The following IFNLR1 variants were observed in gnomAD, a reference collection of about 807,000 sequenced individuals.
IFNLR1 encodes interferon lambda receptor 1.
A neutral mutation model predicts 52.5 loss-of-function variants in IFNLR1; 28 were observed. The observed-to-expected ratio is 0.53, with a 90% CI of 0.40 to 0.73. The LOEUF (loss-of-function observed/expected upper bound fraction) is 0.73. Ranked by LOEUF, IFNLR1 falls within the 30% of genes least tolerant of loss-of-function variation. The pLI is 0.00. For missense variants in IFNLR1, 623 were observed against 659.1 expected, an observed-to-expected ratio of 0.95 and a Z score of 0.60; for synonymous variants, 276 against 274.9, an observed-to-expected ratio of 1.00 and a Z score of -0.04.
intron 2 of IFNLR1, among the ~76,000 whole-genome samples, chr1:24,173,850 A>T (rs1161371206): frequency 6.6e-6 from 1 of 152,050 alleles, no homozygotes; most frequent in African/African-American, 2.4e-5. Flanking sequence ...GGGTCTCACT[A>T]TGTTGCCCAG....
chr1:24,182,793 G>T (rs1047626422), intron 1 of IFNLR1, among the ~76,000 whole-genome samples: 1 of 152,060 alleles, frequency 6.6e-6, no homozygotes, highest in African/African-American at 2.4e-5. Context: ...GGTGGTGCAC[G>T]CCTGTAATCC....
chr1:24,176,777 T>A (rs1406378349), intron 2 of IFNLR1, among the ~76,000 whole-genome samples: 1 of 152,188 alleles, frequency 6.6e-6, no homozygotes, highest in Non-Finnish European at 1.5e-5. Flanking sequence ...ACAAGTATTC[T>A]CTCCTTTTTC....
chr1:24,154,415 C>T lies in IFNLR1; in HGVS notation c.*2715G>A, dbSNP rs10903034. 0.54 allele frequency: 82,037 copies of T among 152,096 alleles called. 22,410 individuals are homozygous for T. The highest frequency in any genetic ancestry group is 0.57 in the Admixed American group (8,737 of 15,286). The allele number at this position is 152,096 out of a possible 1,614,324, so 9.4% of individuals were successfully genotyped here. A position where few individuals can be genotyped will look rare whatever the true frequency, so the allele number is the denominator to read the frequency against. On this transcript the variant is annotated 3_prime_UTR_variant, in exon 7 of 7. Coordinates refer to ENST00000327535, the MANE Select transcript of IFNLR1 (RefSeq NM_170743.4). The stretch of plus-strand genomic sequence containing the variant: ...CCGCGCAGTTCCCACCTGCTGTGCA[C>T]GTGAAAGGGCTTTGTAAACAGTTAA...
intron 1 of IFNLR1, 30 bp downstream of exon 1, chr1:24,187,161 C>T: frequency 3.7e-6 from 5 of 1,348,478 alleles, no homozygotes; most frequent in South Asian, 1.6e-5. Flanking sequence ...AGCCCTCTTC[C>T]CCCTCCCTCC....
rs2148582547 is a variant in IFNLR1 at position 24,155,818 on chromosome 1, C to A, written c.*1312G>T. 6.6e-6 allele frequency: 1 copy of A among 152,372 alleles called. No homozygotes were observed. Among genetic ancestry groups the A allele is most frequent in the South Asian group, 2.1e-4 (1 of 4,830 alleles). 9.4% of individuals were successfully genotyped at this position (152,372 alleles called of 1,614,324 possible). A position where few individuals can be genotyped will look rare whatever the true frequency, so the allele number is the denominator to read the frequency against. On this transcript the variant is annotated 3_prime_UTR_variant, in exon 7 of 7. Coordinates refer to ENST00000327535, the MANE Select transcript of IFNLR1 (RefSeq NM_170743.4). ...GTTGTTCAGATACTCCACCACAAAACACTTCGGTCCTACGGGTGAAAACTC... is the reference window on the plus strand; with the variant it reads ...GTTGTTCAGATACTCCACCACAAAAAACTTCGGTCCTACGGGTGAAAACTC...
chr1:24,174,158 G>A (rs1644609371), intron 2 of IFNLR1, among the ~76,000 whole-genome samples: 1 of 152,184 alleles, frequency 6.6e-6, no homozygotes, highest in Non-Finnish European at 1.5e-5. Context: ...AAAAAGCCAC[G>A]TGAGGACACA....
chr1:24,174,201 G>A (rs936590000), intron 2 of IFNLR1, among the ~76,000 whole-genome samples: 11 of 152,196 alleles, frequency 7.2e-5, no homozygotes, highest in African/African-American at 2.4e-4. Flanking sequence ...GCCAAGGAGA[G>A]AGGCTTCAGG....
intron 1 of IFNLR1, among the ~76,000 whole-genome samples, chr1:24,181,750 A>G (rs919445717): frequency 6.6e-6 from 1 of 152,156 alleles, no homozygotes; most frequent in East Asian, 1.9e-4. Flanking sequence ...CTGGGAACAC[A>G]GTCTGGCTCC....
At chr1:24,161,131 C>T (rs989680520) in intron 4 of IFNLR1, among the ~76,000 whole-genome samples, 2 of 152,206 alleles carry the variant, frequency 1.3e-5, no homozygotes, top group Admixed American at 6.5e-5. Context: ...AGCGAACATA[C>T]GGCCCATGAA....
intron 2 of IFNLR1, among the ~76,000 whole-genome samples, chr1:24,177,208 T>C (rs1388238330): frequency 6.6e-6 from 1 of 152,114 alleles, no homozygotes; most frequent in African/African-American, 2.4e-5. Context: ...TAATAGGTTA[T>C]ACGTATATAT....
chr1:24,186,552 C>T (rs1413058702), intron 1 of IFNLR1, among the ~76,000 whole-genome samples: 1 of 152,094 alleles, frequency 6.6e-6, no homozygotes, highest in Admixed American at 6.6e-5. Flanking sequence ...GGGGCGATTT[C>T]TGGACCTTCT....
chr1:24,177,121 C>T (rs1484303796), intron 2 of IFNLR1, among the ~76,000 whole-genome samples: 2 of 152,162 alleles, frequency 1.3e-5, no homozygotes, highest in African/African-American at 4.8e-5. Flanking sequence ...TACCAACACA[C>T]AGTCAAATAA....
At chr1:24,184,070 C>T (rs1244736110) in intron 1 of IFNLR1, among the ~76,000 whole-genome samples, 2 of 152,076 alleles carry the variant, frequency 1.3e-5, no homozygotes, top group Admixed American at 6.6e-5. Flanking sequence ...AGGCCCTACC[C>T]AATCTGACCC....
In IFNLR1 at chr1:24,187,226, C is replaced by G. The variant is rs1644748291; in HGVS notation, c.23G>C (p.Gly8Ala). MAGPERW[G>A]PLLLCLLQAA... The stretch of plus-strand genomic sequence containing the variant: ...CTGCAGCAGGCACAGGAGCAGGGGG[C>G]CCCAGCGCTCGGGCCCCGCCATGGC... The change falls in exon 1 of 7, where the codon GGC becomes GCC. Residue 8 changes from glycine to alanine, a missense_variant. Physicochemically the swap from Gly to Ala is moderately conservative, Grantham distance 60 (BLOSUM62 0). Coordinates refer to ENST00000327535, the MANE Select transcript of IFNLR1 (RefSeq NM_170743.4). 1.5e-6 allele frequency: 2 copies of G among 1,290,732 alleles called. No individual in the cohort carries two copies. The highest frequency in any genetic ancestry group is 2.0e-6 in the Non-Finnish European group (2 of 1,018,882). 80.0% of individuals were successfully genotyped at this position (1,290,732 alleles called of 1,614,324 possible).
intron 2 of IFNLR1, among the ~76,000 whole-genome samples, chr1:24,172,099 C>T (rs1050694162): frequency 2.0e-5 from 3 of 152,178 alleles, no homozygotes; most frequent in African/African-American, 7.2e-5. Context: ...GTCACCACAC[C>T]TGGCCTTAAA....
chr1:24,172,683 A>G (rs895141080), intron 2 of IFNLR1, among the ~76,000 whole-genome samples: 6 of 152,220 alleles, frequency 3.9e-5, no homozygotes, highest in African/African-American at 1.4e-4. Flanking sequence ...TGCTTAGGAC[A>G]CCAAAAGCGT....
chr1:24,181,121 G>A (rs938917981), intron 1 of IFNLR1, among the ~76,000 whole-genome samples: 11 of 152,200 alleles, frequency 7.2e-5, no homozygotes, highest in African/African-American at 2.7e-4. Flanking sequence ...GAGCATCCTT[G>A]AGGATATCAA....
At chr1:24,164,465 C>T (rs547952412) in intron 3 of IFNLR1, among the ~76,000 whole-genome samples, 2 of 152,260 alleles carry the variant, frequency 1.3e-5, no homozygotes, top group South Asian at 4.2e-4. Flanking sequence ...CTTTACGGGT[C>T]TCCTATGGAT....
At chr1:24,166,656 C>T (rs1406106156) in intron 3 of IFNLR1, among the ~76,000 whole-genome samples, 2 of 152,172 alleles carry the variant, frequency 1.3e-5, no homozygotes, top group African/African-American at 4.8e-5. Context: ...AAGTCATCCT[C>T]CTACCTTGGC....
Sources: allele counts gnomAD v4.1 joint callset (sites outside exome capture counted in the v4.1 genomes callset), GRCh38; gene constraint gnomAD v4.1.1; transcripts MANE v1.5; gene names NCBI Gene and HGNC (gene_info 2026-07-23, HGNC 2026-07-21).